TXNRD3: variants seen among roughly 807,000 people sequenced by gnomAD.
TXNRD3 encodes the protein TXNRD3 neighbor gene protein.
A neutral mutation model predicts 78.2 loss-of-function variants in TXNRD3; 68 were observed. That is an observed-to-expected ratio of 0.87 (90% CI 0.72 to 1.06). The LOEUF (loss-of-function observed/expected upper bound fraction) is 1.06, where lower values mean the gene tolerates loss of function less well. Among genes scored for constraint, TXNRD3 ranks in the 50% least tolerant of loss-of-function variants. The pLI, the probability that TXNRD3 is intolerant of heterozygous loss-of-function variation, is 0.00. For synonymous variants in TXNRD3, 296 were observed against 300.1 expected (o/e 0.99, Z 0.14); for missense variants, 751 against 809.5 (o/e 0.93, Z 0.88).
intron 1 of TXNRD3, among the ~76,000 whole-genome samples, chr3:126,650,054 G>A (rs1047849061): frequency 6.6e-6 from 1 of 152,266 alleles, no homozygotes; most frequent in East Asian, 1.9e-4. Flanking sequence ...GCAAACCAAT[G>A]GAAATATAAA....
At chr3:126,632,002 T>C (rs988945188) in intron 7 of TXNRD3, 123 bp from the exon 8 acceptor site, 2 of 651,824 alleles carry the variant, frequency 3.1e-6, no homozygotes, top group African/African-American at 3.6e-5. Context: ...TGTGAAAAAG[T>C]AATAATGCAA....
rs2107606649 is a variant in TXNRD3, at chr3:126,607,798, C to A, written c.*107G>T. The A allele has an allele frequency of 1.1e-6, 1 of 884,686 alleles. No individual in the cohort carries two copies. The highest frequency in any genetic ancestry group is 1.6e-6 in the Non-Finnish European group (1 of 607,026). 54.8% of individuals were successfully genotyped at this position (884,686 alleles called of 1,614,324 possible). A position where few individuals can be genotyped will look rare whatever the true frequency, so the allele number is the denominator to read the frequency against. ...GTCGTAAGACAGCCCTGCACTGGTC[C>A]CTGAGTAACAGAGCAGCTGTCATGA... On this transcript the variant is annotated 3_prime_UTR_variant, in exon 16 of 16. Coordinates refer to ENST00000524230, the MANE Select transcript of TXNRD3 (RefSeq NM_052883.3).
intron 12 of TXNRD3, among the ~76,000 whole-genome samples, chr3:126,617,846 A>C (rs940414596): frequency 5.3e-5 from 8 of 152,222 alleles, no homozygotes; most frequent in Non-Finnish European, 7.3e-5. Flanking sequence ...TCCACCAAAA[A>C]TTCTTAGAAC....
intron 5 of TXNRD3, 67 bp from the exon 6 acceptor site, chr3:126,642,218 T>C (rs1414152182): frequency 2.8e-6 from 4 of 1,452,058 alleles, no homozygotes; most frequent in African/African-American, 2.9e-5. Context: ...AATCATATTA[T>C]ATTAAAACAT....
At chr3:126,633,833 A>G (rs13322217) in intron 7 of TXNRD3, 76 bp downstream of exon 7, 36,661 of 1,281,426 alleles carry the variant, frequency 0.029, 619 homozygotes, top group African/African-American at 0.059. Context: ...AACATGCAAC[A>G]TGAAATTTTA....
chr3:126,646,317 CAT>C, intron 2 of TXNRD3, 97 bp from the exon 3 acceptor site: 2 of 937,152 alleles, frequency 2.1e-6, no homozygotes, highest in Non-Finnish European at 3.0e-6. Flanking sequence ...TTCACATGTA[CAT>C]ACTCATAACA....
Position 126,630,754 on chromosome 3 carries a change from C to T in TXNRD3, c.1155G>A (p.Glu385=). 6.5e-7 allele frequency: 1 copy of T among 1,534,460 alleles called. No individual in the cohort carries two copies. Among genetic ancestry groups the T allele is most frequent in the Non-Finnish European group, 8.7e-7 (1 of 1,146,882 alleles). The change falls in exon 9 of 16, where the codon GAG becomes GAA. Residue 385 remains glutamate, a synonymous_variant. Coordinates refer to ENST00000524230, the MANE Select transcript of TXNRD3 (RefSeq NM_052883.3). ...TCCGTAGGAACTTCACACCATGCTGCTCCATGTAGGAACCCACTTTTTCTG... is the reference window on the plus strand; with the variant it reads ...TCCGTAGGAACTTCACACCATGCTGTTCCATGTAGGAACCCACTTTTTCTG...
chr3:126,654,896 G>T lies in TXNRD3; in HGVS notation c.95C>A (p.Ser32Ter). The T allele has an allele frequency of 7.6e-7, 1 of 1,317,316 alleles. No individual in the cohort carries two copies. The highest frequency in any genetic ancestry group is 9.6e-7 in the Non-Finnish European group (1 of 1,042,012). The allele number at this position is 1,317,316 out of a possible 1,614,324, so 81.6% of individuals were successfully genotyped here. The change falls in exon 1 of 16, where the codon TCG (serine) becomes TAG (stop). Residue 32 changes from serine (S) to a stop codon, truncating the protein, a stop_gained. Coordinates refer to ENST00000524230, the MANE Select transcript of TXNRD3 (RefSeq NM_052883.3). LOFTEE classifies it high-confidence loss of function. Reference sequence around the variant, plus strand: ...CAGGCGGGCACGGCGCCCCGGCGGCGACAACACGCGCGCCCCTCGGACATG... The same window carrying T: ...CAGGCGGGCACGGCGCCCCGGCGGCTACAACACGCGCGCCCCTCGGACATG...
intron 6 of TXNRD3, among the ~76,000 whole-genome samples, chr3:126,638,211 G>A (rs892557356): frequency 2.6e-5 from 4 of 152,012 alleles, no homozygotes; most frequent in African/African-American, 9.7e-5. Context: ...CCAAAGGACT[G>A]GGATTACAGG....
At chr3:126,654,688 G>GGTGGCGTCCGC in intron 1 of TXNRD3, 60 bp downstream of exon 1, 2 of 1,159,544 alleles carry the variant, frequency 1.7e-6, no homozygotes, top group East Asian at 3.7e-5. Flanking sequence ...CCCTGCCCCG[G>GGTGGCGTCCGC]GTGGCGTCCG....
chr3:126,649,250 A>G (rs1317138343), intron 1 of TXNRD3, among the ~76,000 whole-genome samples: 3 of 152,258 alleles, frequency 2.0e-5, no homozygotes, highest in African/African-American at 7.2e-5. Context: ...AAAGTTGTTC[A>G]TCATCACTAA....
intron 5 of TXNRD3, among the ~76,000 whole-genome samples, chr3:126,643,058 C>G (rs1392479102): frequency 1.3e-5 from 2 of 152,208 alleles, no homozygotes; most frequent in African/African-American, 4.8e-5. Flanking sequence ...AGTGCCACCA[C>G]CCAGAGGGAG....
intron 12 of TXNRD3, among the ~76,000 whole-genome samples, chr3:126,617,126 C>T (rs1161662134): frequency 2.0e-5 from 3 of 152,312 alleles, no homozygotes; most frequent in Admixed American, 6.5e-5. Flanking sequence ...AATGGCTCAG[C>T]TTTGCCCCTT....
intron 15 of TXNRD3, among the ~76,000 whole-genome samples, chr3:126,608,256 G>A (rs140431898): frequency 0.012 from 1,800 of 152,284 alleles, 19 homozygotes; most frequent in Middle Eastern, 0.048. Flanking sequence ...AGCTACTCAG[G>A]AGGCTGAGGC....
intron 10 of TXNRD3, among the ~76,000 whole-genome samples, chr3:126,626,947 G>C (rs1248010023): frequency 2.0e-5 from 3 of 152,028 alleles, no homozygotes; most frequent in Non-Finnish European, 2.9e-5. Context: ...AATTAGCCAG[G>C]CATGGTGGCA....
At chr3:126,637,932 C>CTCTCTTTTTTT (rs1444254294) in intron 6 of TXNRD3, among the ~76,000 whole-genome samples, 3 of 60,190 alleles carry the variant, frequency 5.0e-5, no homozygotes, top group Admixed American at 2.6e-4. Flanking sequence ...ATTTCTCTCT[C>CTCTCTTTTTTT]TTTTTTTTTT....
At position 126,642,045 on chromosome 3, in the gene TXNRD3, T is replaced by C; in HGVS notation, c.699A>G (p.Glu233=). ...ACCATTACTCACCTTGTTGATTATA[T>C]TCCCAGCCAAATTTCCTTGAGTCAC... Residue 233 remains glutamate, a synonymous_variant, in exon 6 of 16, where the codon GAA becomes GAG. Transcript: ENST00000524230. The C allele has an allele frequency of 2.0e-6, 3 of 1,535,288 alleles. No individual in the cohort carries two copies. The highest frequency in any genetic ancestry group is 2.6e-6 in the Non-Finnish European group (3 of 1,146,648).
At chr3:126,634,146 TA>T (rs1457233862) in intron 6 of TXNRD3, 95 bp from the exon 7 acceptor site, 1 of 1,143,162 alleles carries the variant, frequency 8.7e-7, no homozygotes, top group African/African-American at 1.6e-5. Context: ...AACAGTGCTT[TA>T]AAAATCAAGA....
chr3:126,634,115 T>A, intron 6 of TXNRD3, 64 bp from the exon 7 acceptor site: 10 of 1,355,316 alleles, frequency 7.4e-6, no homozygotes, highest in Non-Finnish European at 9.6e-6. Context: ...AAATTACATA[T>A]AACCACACAT....
Sources: allele counts gnomAD v4.1 joint callset (sites outside exome capture counted in the v4.1 genomes callset), GRCh38; gene constraint gnomAD v4.1.1; transcripts MANE v1.5; gene names NCBI Gene and HGNC (gene_info 2026-07-23, HGNC 2026-07-21).